Variants in GTF3C5 observed in about 807,000 individuals in gnomAD.
The protein encoded by GTF3C5 is general transcription factor 3C polypeptide 5.
A neutral mutation model predicts 61.0 loss-of-function variants in GTF3C5; 47 were observed. The ratio of observed to expected loss-of-function variants is 0.77; its 90% CI spans 0.61 to 0.98. The LOEUF is 0.98. Ranked by LOEUF, GTF3C5 falls within the 50% of genes least tolerant of loss-of-function variation. GTF3C5 has a pLI of 0.00. For synonymous variants in GTF3C5, 295 were observed against 275.4 expected, an observed-to-expected ratio of 1.07 and a Z score of -0.71; for missense variants, 659 against 703.3, an observed-to-expected ratio of 0.94 and a Z score of 0.71.
At chr9:133,046,025 C>T (rs942930028) in intron 3 of GTF3C5, among the ~76,000 whole-genome samples, 2 of 152,146 alleles carry the variant, frequency 1.3e-5, no homozygotes, top group African/African-American at 4.8e-5. Context: ...AAAATGCAGC[C>T]CTCAAGAGAA....
intron 9 of GTF3C5, 93 bp from the exon 10 acceptor site, chr9:133,056,673 G>A: frequency 7.8e-7 from 1 of 1,277,658 alleles, no homozygotes; most frequent in Non-Finnish European, 1.1e-6. Context: ...TTTGATCTCA[G>A]TACAGCTCTG....
At chr9:133,050,736 G>T in intron 3 of GTF3C5, 47 bp from the exon 4 acceptor site, 1 of 1,446,810 alleles carries the variant, frequency 6.9e-7, no homozygotes, top group Admixed American at 2.0e-5. Flanking sequence ...GCGGGTGCCT[G>T]GGATGGCCTT....
intron 3 of GTF3C5, among the ~76,000 whole-genome samples, chr9:133,048,124 G>GT (rs1386479238): frequency 6.9e-6 from 1 of 145,584 alleles, no homozygotes; most frequent in East Asian, 2.1e-4. Context: ...GTGGGACCGT[G>GT]TTTTAAAAAA....
At chr9:133,046,089 G>T (rs1022540480) in intron 3 of GTF3C5, among the ~76,000 whole-genome samples, 1 of 152,152 alleles carries the variant, frequency 6.6e-6, no homozygotes, top group Non-Finnish European at 1.5e-5. Context: ...GATTTGAGAG[G>T]CTAAAGTAGG....
chr9:133,036,787 T>G (rs1849876092), intron 1 of GTF3C5, among the ~76,000 whole-genome samples: 1 of 152,144 alleles, frequency 6.6e-6, no homozygotes, highest in Admixed American at 6.5e-5. Context: ...TGTTACGAGT[T>G]CCTGCTTAGT....
intron 2 of GTF3C5, 52 bp downstream of exon 2, chr9:133,042,358 T>A (rs1272897666): frequency 8.2e-7 from 1 of 1,221,234 alleles, no homozygotes; most frequent in Non-Finnish European, 1.2e-6. Flanking sequence ...CTGGCCATCC[T>A]AGCTGCCTGC....
intron 3 of GTF3C5, among the ~76,000 whole-genome samples, chr9:133,048,762 G>A (rs535251721): frequency 2.6e-4 from 40 of 152,382 alleles, no homozygotes; most frequent in Admixed American, 1.6e-3. Flanking sequence ...GGGCCAGTGG[G>A]AAGCTGTTTC....
chr9:133,037,465 G>T (rs1849900456), intron 1 of GTF3C5, among the ~76,000 whole-genome samples: 1 of 152,228 alleles, frequency 6.6e-6, no homozygotes, highest in South Asian at 2.1e-4. Flanking sequence ...CTAAGGGGAT[G>T]GGATATTGCT....
intron 1 of GTF3C5, among the ~76,000 whole-genome samples, chr9:133,035,697 G>T (rs1849843270): frequency 6.6e-6 from 1 of 152,172 alleles, no homozygotes; most frequent in African/African-American, 2.4e-5. Context: ...GGTGAAAAGT[G>T]AGCGTTTTGA....
intron 5 of GTF3C5, 23 bp from the exon 6 acceptor site, chr9:133,053,805 T>A: frequency 6.6e-7 from 1 of 1,511,032 alleles, no homozygotes; most frequent in Non-Finnish European, 9.2e-7. Flanking sequence ...TCACCTCACA[T>A]TTTCCCCACT....
At chr9:133,054,883 T>TG (rs1375746125) in intron 8 of GTF3C5, 74 bp downstream of exon 8, 1 of 1,536,810 alleles carries the variant, frequency 6.5e-7, no homozygotes, top group Non-Finnish European at 8.8e-7. Context: ...GGGTGACACC[T>TG]GGGGGGCTGT....
At chr9:133,053,984 T>G (rs770291200) in intron 6 of GTF3C5, 42 bp downstream of exon 6, 2 of 1,189,236 alleles carry the variant, frequency 1.7e-6, no homozygotes, top group Non-Finnish European at 2.5e-6. Flanking sequence ...TTTCTCTCTC[T>G]TTATCTTTCA....
chr9:133,042,412 A>G, intron 2 of GTF3C5, 106 bp downstream of exon 2: 1 of 777,512 alleles, frequency 1.3e-6, no homozygotes, highest in South Asian at 1.6e-5. Flanking sequence ...GGGCCAGGAT[A>G]TGCCCAGGGG....
intron 8 of GTF3C5, 178 bp downstream of exon 8, chr9:133,054,987 C>T (rs1461803477): frequency 1.3e-6 from 2 of 1,551,604 alleles, no homozygotes; most frequent in Admixed American, 3.9e-5. Context: ...GTGCAAAGCC[C>T]CAGGGCTGTG....
Position 133,056,862 on chromosome 9 carries a change from C to T in GTF3C5, c.1347C>T (p.Asp449=), listed in dbSNP as rs1424746914. Residue 449 remains aspartate (D), a synonymous_variant, in exon 10 of 11, where the codon GAC becomes GAT. Transcript: ENST00000372097. ...CCAAGACCAGCGACGAGCTCAGGGA[C>T]ACCATGTCCCTCATGATCCGGCAGA... The part of the protein sequence containing the change: ...CLPKTSDELR[D]TMSLMIRQTI... 1.2e-5 allele frequency: 20 copies of T among 1,610,540 alleles called. No homozygotes were observed. The highest frequency in any genetic ancestry group is 1.7e-5 in the Non-Finnish European group (20 of 1,178,390).
rs775558352 is a variant in GTF3C5, at chr9:133,056,032, G to A, written c.1188G>A (p.Arg396=). The A allele has an allele frequency of 6.2e-7, 1 of 1,614,114 alleles. No homozygotes were observed. Among genetic ancestry groups the A allele is most frequent in the Non-Finnish European group, 8.5e-7 (1 of 1,179,976 alleles). ...YKLKDSVYIF[R]EGALPPYRQM... is the part of the protein sequence containing the mutation. ...ACCAGGACTCTGTCTACATCTTCCG[G>A]GAAGGGGCCTTGCCACCCTATCGGC... The change falls in exon 9 of 11, where the codon CGG becomes CGA. Residue 396 remains arginine (R), a synonymous_variant. Transcript: ENST00000372097.
At chr9:133,057,351 C>G (rs1741502667) in intron 10 of GTF3C5, among the ~76,000 whole-genome samples, 1 of 152,228 alleles carries the variant, frequency 6.6e-6, no homozygotes, top group Admixed American at 6.5e-5. Context: ...GGGGGCAACA[C>G]CTGCCAGGCT....
intron 5 of GTF3C5, 133 bp downstream of exon 5, chr9:133,052,297 C>A (rs1381357154): frequency 4.1e-5 from 23 of 561,242 alleles, no homozygotes; most frequent in Non-Finnish European, 7.0e-5. Flanking sequence ...TGCCCCACCC[C>A]CATCCTGGCC....
intron 8 of GTF3C5, 55 bp downstream of exon 8, chr9:133,054,864 G>T (rs1829880613): frequency 6.5e-7 from 1 of 1,539,452 alleles, no homozygotes; most frequent in Non-Finnish European, 8.8e-7. Flanking sequence ...TTGGGGCCGG[G>T]CACCTTGTGG....
Sources: allele counts gnomAD v4.1 joint callset (sites outside exome capture counted in the v4.1 genomes callset), GRCh38; gene constraint gnomAD v4.1.1; transcripts MANE v1.5; gene names NCBI Gene and HGNC (gene_info 2026-07-23, HGNC 2026-07-21).